The following MICAL2 variants were observed in gnomAD, a reference collection of about 807,000 sequenced individuals.
MICAL2 encodes the protein [F-actin]-monooxygenase MICAL2.
Under a neutral mutation model 127.3 loss-of-function variants are expected in MICAL2, and 77 were observed. The ratio of observed to expected loss-of-function variants is 0.60; its 90% confidence interval spans 0.50 to 0.73. The LOEUF (loss-of-function observed/expected upper bound fraction) is 0.73, where lower values mean the gene tolerates loss of function less well. Among genes scored for constraint, MICAL2 ranks in the 30% least tolerant of loss-of-function variants. The pLI, the probability that MICAL2 is intolerant of heterozygous loss-of-function variation, is 0.00. For synonymous variants in MICAL2, 570 were observed against 551.1 expected, an observed-to-expected ratio of 1.03 and a Z score of -0.48; for missense variants, 1,351 against 1,434.4, an observed-to-expected ratio of 0.94 and a Z score of 0.94.
chr11:12,165,531 T>TC (rs1855400886), intron 3 of MICAL2, among the ~76,000 whole-genome samples: 1 of 152,244 alleles, frequency 6.6e-6, no homozygotes, highest in South Asian at 2.1e-4. Context: ...AAAGCCAAGC[T>TC]CCTGGTTAGC....
intron 22 of MICAL2, chr11:12,253,962 G>A (rs995021467): frequency 5.9e-5 from 9 of 152,218 alleles, no homozygotes; most frequent in African/African-American, 2.2e-4. Flanking sequence ...GGGACTGAAA[G>A]TTCCAACCCT....
At chr11:12,229,667 T>C (rs957141827) in intron 15 of MICAL2, among the ~76,000 whole-genome samples, 3 of 152,226 alleles carry the variant, frequency 2.0e-5, no homozygotes, top group African/African-American at 7.2e-5. Context: ...TGGCCAGCAC[T>C]GGCTTGGGAG....
intron 33 of MICAL2, among the ~76,000 whole-genome samples, chr11:12,350,802 A>G (rs1157492495): frequency 6.6e-6 from 1 of 152,212 alleles, no homozygotes; most frequent in Non-Finnish European, 1.5e-5. Flanking sequence ...GCAATAACAA[A>G]TTGCCACAGA....
At chr11:12,187,038 C>T (rs1858388712) in intron 3 of MICAL2, among the ~76,000 whole-genome samples, 1 of 152,196 alleles carries the variant, frequency 6.6e-6, no homozygotes, top group South Asian at 2.1e-4. Flanking sequence ...TGAATTAGAG[C>T]AGCGGTGTGC....
downstream of MICAL2, chr11:12,292,068 T>G: frequency 1.3e-6 from 2 of 1,503,060 alleles, no homozygotes; most frequent in Non-Finnish European, 1.8e-6. Flanking sequence ...GAATTGGAGC[T>G]TCACTTAAAG....
chr11:12,229,465 G>C (rs562816107), intron 15 of MICAL2, among the ~76,000 whole-genome samples: 6 of 152,300 alleles, frequency 3.9e-5, no homozygotes, highest in Admixed American at 1.3e-4. Flanking sequence ...CCAGCCCAAG[G>C]ACCCCTGTCT....
At chr11:12,283,384 T>C (rs559149755) in intron 2 of MICAL2, among the ~76,000 whole-genome samples, 1 of 148,192 alleles carries the variant, frequency 6.7e-6, no homozygotes, top group African/African-American at 2.5e-5. Context: ...GGTCCAGCCA[T>C]GCTCATAGAA....
At chr11:12,268,700 G>A (rs576761222), downstream of MICAL2, among the ~76,000 whole-genome samples, 43 of 152,346 alleles carry the variant, frequency 2.8e-4, no homozygotes, top group Admixed American at 6.5e-4. Flanking sequence ...CAGATAAAGA[G>A]GCCAACTCGG....
chr11:12,243,808 C>A (rs1259453087), intron 20 of MICAL2, among the ~76,000 whole-genome samples, 179 bp from the exon 21 acceptor site: 1 of 152,202 alleles, frequency 6.6e-6, no homozygotes, highest in Non-Finnish European at 1.5e-5. Flanking sequence ...TGCAGTGTAA[C>A]CAGGAGCCAG....
At chr11:12,329,772 G>T (rs1426471765) in intron 32 of MICAL2, among the ~76,000 whole-genome samples, 2 of 146,032 alleles carry the variant, frequency 1.4e-5, no homozygotes, top group Non-Finnish European at 3.0e-5. Flanking sequence ...TTCTTTTAAA[G>T]AATTTGTCTA....
At chr11:12,300,891 C>A (rs1245243759) in intron 29 of MICAL2, among the ~76,000 whole-genome samples, 1 of 152,174 alleles carries the variant, frequency 6.6e-6, no homozygotes, top group Non-Finnish European at 1.5e-5. Context: ...AAAACCCATA[C>A]AAGTATATAC....
intron 16 of MICAL2, among the ~76,000 whole-genome samples, chr11:12,238,683 C>G (rs1859445839): frequency 6.6e-6 from 1 of 151,938 alleles, no homozygotes; most frequent in African/African-American, 2.4e-5. Flanking sequence ...AGTGGAAAAA[C>G]TGATGCAATC....
chr11:12,241,205 G>A, intron 18 of MICAL2, 43 bp downstream of exon 18: 1 of 1,590,904 alleles, frequency 6.3e-7, no homozygotes, highest in African/African-American at 1.3e-5. Context: ...GAAGCCAGAG[G>A]GGACTTTGAT....
intron 29 of MICAL2, among the ~76,000 whole-genome samples, chr11:12,304,925 A>G (rs1374763055): frequency 1.3e-5 from 2 of 152,110 alleles, no homozygotes; most frequent in Non-Finnish European, 2.9e-5. Context: ...TTGCCATGTG[A>G]CTTATGGAAT....
intron 29 of MICAL2, among the ~76,000 whole-genome samples, chr11:12,314,974 A>G (rs1447185044): frequency 6.6e-6 from 1 of 152,010 alleles, no homozygotes; most frequent in Non-Finnish European, 1.5e-5. Context: ...CAATACTTTC[A>G]TCTTAGATTG....
chr11:12,223,627 C>A, intron 12 of MICAL2, 126 bp downstream of exon 12: 1 of 751,480 alleles, frequency 1.3e-6, no homozygotes, highest in South Asian at 1.6e-5. Flanking sequence ...CCTGTGTGGT[C>A]ATGGGCAGGC....
intron 21 of MICAL2, among the ~76,000 whole-genome samples, chr11:12,246,416 G>C (rs16910898): frequency 0.023 from 3,482 of 152,266 alleles, 47 homozygotes; most frequent in Middle Eastern, 0.13. Context: ...TGCCACGCTG[G>C]TGAGCTCTTG....
intron 16 of MICAL2, among the ~76,000 whole-genome samples, chr11:12,238,603 A>G (rs929862747): frequency 1.3e-5 from 2 of 152,234 alleles, no homozygotes; most frequent in South Asian, 2.1e-4. Flanking sequence ...AAACTGTTAC[A>G]GTTTGTAGGA....
intron 32 of MICAL2, among the ~76,000 whole-genome samples, chr11:12,331,409 A>G (rs928828162): frequency 3.3e-5 from 5 of 151,170 alleles, no homozygotes; most frequent in African/African-American, 1.2e-4. Context: ...TTGGAGCCAG[A>G]TGGTTTCTTC....
Sources: gnomAD v4.1 joint callset for allele counts (sites outside exome capture counted in the v4.1 genomes callset) on GRCh38, gnomAD v4.1.1 for gene constraint, MANE v1.5 for transcripts, NCBI Gene and HGNC (gene_info 2026-07-23, HGNC 2026-07-21) for gene names.